MACROD2: variants seen among roughly 807,000 people sequenced by gnomAD.
MACROD2 encodes mono-ADP ribosylhydrolase 2.
MACROD2 carries 36 observed loss-of-function variants against 70.4 expected under a neutral mutation model. The observed-to-expected ratio is 0.51, with a 90% confidence interval of 0.39 to 0.68. MACROD2 has a LOEUF of 0.68. Ranked by LOEUF, MACROD2 falls within the 30% of genes least tolerant of loss-of-function variation. The pLI, the probability that MACROD2 is intolerant of heterozygous loss-of-function variation, is 0.00. For synonymous variants in MACROD2, 172 were observed against 178.8 expected (o/e 0.96, Z 0.30); for missense variants, 496 against 538.4 (o/e 0.92, Z 0.78).
chr20:15,400,017 C>T (rs373109046), intron 6 of MACROD2, among the ~76,000 whole-genome samples: 10 of 152,284 alleles, frequency 6.6e-5, no homozygotes, highest in East Asian at 1.9e-4. Context: ...CCAGGAACCA[C>T]GCTGGCTGAC....
At chr20:15,526,420 G>A (rs2047723049) in intron 8 of MACROD2, among the ~76,000 whole-genome samples, 1 of 152,154 alleles carries the variant, frequency 6.6e-6, no homozygotes, top group Non-Finnish European at 1.5e-5. Flanking sequence ...AAACTGATGA[G>A]GCAAGGCTTT....
At chr20:14,614,846 G>A (rs1054168623) in intron 4 of MACROD2, among the ~76,000 whole-genome samples, 3 of 152,170 alleles carry the variant, frequency 2.0e-5, no homozygotes, top group Non-Finnish European at 2.9e-5. Flanking sequence ...TTATAATTTA[G>A]TATGAATAAA....
intron 8 of MACROD2, among the ~76,000 whole-genome samples, chr20:15,577,299 A>G (rs76590715): frequency 6.6e-6 from 1 of 152,008 alleles, no homozygotes; most frequent in Admixed American, 6.6e-5. Context: ...ATCGACTCAC[A>G]TCTACTCAGA....
chr20:14,560,917 A>C (rs1251445691), intron 4 of MACROD2, among the ~76,000 whole-genome samples: 1 of 151,916 alleles, frequency 6.6e-6, no homozygotes, highest in Non-Finnish European at 1.5e-5. Flanking sequence ...TGACCTTATT[A>C]ATATACTAGG....
intron 8 of MACROD2, among the ~76,000 whole-genome samples, chr20:15,665,393 T>G (rs1218086508): frequency 6.6e-6 from 1 of 152,162 alleles, no homozygotes; most frequent in Admixed American, 6.5e-5. Context: ...TAAGAGGATA[T>G]AACTCACCCC....
chr20:15,058,128 C>T (rs2075501671), intron 5 of MACROD2, among the ~76,000 whole-genome samples: 1 of 152,126 alleles, frequency 6.6e-6, no homozygotes, highest in Admixed American at 6.5e-5. Flanking sequence ...AGGGCATAGT[C>T]TTTCTACTTT....
At chr20:14,038,271 G>A (rs1276084254) in intron 2 of MACROD2, among the ~76,000 whole-genome samples, 1 of 150,282 alleles carries the variant, frequency 6.7e-6, no homozygotes, top group African/African-American at 2.4e-5. Context: ...TCCAGCCTGG[G>A]CCACAGAGTG....
intron 8 of MACROD2, among the ~76,000 whole-genome samples, chr20:15,509,263 T>A (rs2047468210): frequency 1.3e-5 from 2 of 152,344 alleles, no homozygotes; most frequent in Middle Eastern, 3.4e-3. Context: ...AGTAATTAAC[T>A]AATGAATTAA....
chr20:15,914,398 A>G (rs973883230), intron 10 of MACROD2, among the ~76,000 whole-genome samples: 4 of 152,180 alleles, frequency 2.6e-5, no homozygotes, highest in African/African-American at 9.7e-5. Context: ...CTGGACATGA[A>G]CCTAAGGCAG....
chr20:15,680,976 A>G (rs776393232), intron 8 of MACROD2, among the ~76,000 whole-genome samples: 19 of 152,176 alleles, frequency 1.2e-4, no homozygotes, highest in Non-Finnish European at 2.5e-4. Flanking sequence ...GAGCATGTAC[A>G]TTCTGCTGTC....
intron 5 of MACROD2, among the ~76,000 whole-genome samples, chr20:15,134,093 A>G (rs184618192): frequency 3.9e-4 from 58 of 149,946 alleles, no homozygotes; most frequent in African/African-American, 1.4e-3. Flanking sequence ...TTTTTAGTAG[A>G]GATGGTGTTT....
intron 3 of MACROD2, among the ~76,000 whole-genome samples, chr20:14,222,055 C>T (rs1213137855): frequency 6.6e-6 from 1 of 152,186 alleles, no homozygotes; most frequent in Admixed American, 6.5e-5. Context: ...TGAGTGCAAC[C>T]TCTATGGAAA....
chr20:14,678,450 T>A (rs1172076785), intron 4 of MACROD2, among the ~76,000 whole-genome samples: 1 of 152,142 alleles, frequency 6.6e-6, no homozygotes, highest in Non-Finnish European at 1.5e-5. Context: ...TGATGGAGCT[T>A]AGTTGTCTTT....
intron 12 of MACROD2, among the ~76,000 whole-genome samples, chr20:15,945,155 C>T (rs972724750): frequency 2.0e-5 from 3 of 152,126 alleles, no homozygotes; most frequent in Non-Finnish European, 4.4e-5. Flanking sequence ...GCATTAAAAT[C>T]ATTCAGTCCA....
At chr20:15,004,528 A>G (rs2075021107) in intron 5 of MACROD2, among the ~76,000 whole-genome samples, 2 of 152,204 alleles carry the variant, frequency 1.3e-5, no homozygotes, top group Admixed American at 6.5e-5. Context: ...CTATTTATCA[A>G]TATGCACACA....
chr20:15,214,251 T>C (rs1237067963), intron 5 of MACROD2, among the ~76,000 whole-genome samples: 2 of 152,158 alleles, frequency 1.3e-5, no homozygotes, highest in Non-Finnish European at 2.9e-5. Context: ...AATGCCACCA[T>C]ATGCTGCTAG....
intron 8 of MACROD2, among the ~76,000 whole-genome samples, chr20:15,716,215 C>T (rs1405880454): frequency 1.3e-5 from 2 of 152,126 alleles, no homozygotes; most frequent in East Asian, 3.8e-4. Flanking sequence ...GCTTTCTGAT[C>T]AGTTGATTTA....
intron 4 of MACROD2, among the ~76,000 whole-genome samples, chr20:14,593,700 T>C (rs147658872): frequency 2.9e-4 from 44 of 152,326 alleles, no homozygotes; most frequent in African/African-American, 1.0e-3. Context: ...ATGCCAAGCA[T>C]ACTACTTCTA....
chr20:14,685,610 T>C (rs1406553318), intron 5 of MACROD2, among the ~76,000 whole-genome samples: 1 of 152,206 alleles, frequency 6.6e-6, no homozygotes, highest in Non-Finnish European at 1.5e-5. Context: ...TGGTATGGGA[T>C]AAAATACTTA....
Sources: allele counts gnomAD v4.1 joint callset (sites outside exome capture counted in the v4.1 genomes callset), GRCh38; gene constraint gnomAD v4.1.1; transcripts MANE v1.5; gene names NCBI Gene and HGNC (gene_info 2026-07-23, HGNC 2026-07-21).